The following CDH23 variants were observed in gnomAD, a reference collection of about 807,000 sequenced individuals.
CDH23 encodes the protein cadherin related 23, also known as cadherin-23.
CDH23 carries 189 observed loss-of-function variants against 317.1 expected under a neutral mutation model. The observed-to-expected ratio is 0.60, with a 90% confidence interval of 0.53 to 0.67. The LOEUF is 0.67. Among genes scored for constraint, CDH23 ranks in the 30% least tolerant of loss-of-function variants. CDH23 has a pLI of 0.00. For missense variants in CDH23, 4,401 were observed against 4,592.4 expected (o/e 0.96, Z 1.20); for synonymous variants, 1,839 against 1,876.8 (o/e 0.98, Z 0.52).
intron 18 of CDH23, among the ~76,000 whole-genome samples, chr10:71,685,283 T>C (rs1864827335): frequency 6.6e-6 from 1 of 152,182 alleles, no homozygotes; most frequent in Non-Finnish European, 1.5e-5. Context: ...GGACAACACT[T>C]TGAGGAGCAA....
chr10:71,464,687 G>A (rs565220534), intron 3 of CDH23, among the ~76,000 whole-genome samples: 2 of 152,320 alleles, frequency 1.3e-5, no homozygotes, highest in South Asian at 4.1e-4. Flanking sequence ...GAGTGAGTGG[G>A]TAGAGCAGGA....
intron 29 of CDH23, among the ~76,000 whole-genome samples, chr10:71,724,618 C>G (rs117587776): frequency 2.6e-5 from 4 of 152,152 alleles, no homozygotes; most frequent in Admixed American, 6.5e-5. Context: ...TTTTGATTGC[C>G]GTGTTCCTGA....
chr10:71,793,560 T>A lies in CDH23; in HGVS notation c.6632T>A (p.Ile2211Asn). The change falls in exon 48 of 70, where the codon ATT (isoleucine) becomes AAT (asparagine). Residue 2211 changes from isoleucine to asparagine, a missense_variant. Around this residue, in one of 3 missense-constraint regions of CDH23, gnomAD observed 3,068 missense variants for 3,203.3 expected, o/e 0.96. Transcript: ENST00000224721. Reference protein sequence around the residue: ...HDLNPKLEYHIVGIVAKDDTD... With the variant: ...HDLNPKLEYHNVGIVAKDDTD... ...CTCAACCCAAAGCTAGAGTACCACATTGTCGGCATTGTGGCCAAGGACGAC... is the reference window on the plus strand; with the variant it reads ...CTCAACCCAAAGCTAGAGTACCACAATGTCGGCATTGTGGCCAAGGACGAC... 6.2e-7 allele frequency: 1 copy of A among 1,613,094 alleles called. No homozygotes were observed. The highest frequency in any genetic ancestry group is 8.5e-7 in the Non-Finnish European group (1 of 1,179,358).
intron 14 of CDH23, among the ~76,000 whole-genome samples, chr10:71,666,242 G>T (rs1047782312): frequency 2.0e-5 from 3 of 151,712 alleles, no homozygotes; most frequent in South Asian, 2.1e-4. Flanking sequence ...CCTCCCACAT[G>T]CTCAGAAGGC....
intron 38 of CDH23, among the ~76,000 whole-genome samples, chr10:71,744,993 A>G (rs1406455727): frequency 6.6e-6 from 1 of 152,278 alleles, no homozygotes; most frequent in East Asian, 1.9e-4. Context: ...TGCAGGGGAC[A>G]CCTCAGTGAA....
chr10:71,512,100 A>T lies in CDH23; in HGVS notation c.429+888A>T, dbSNP rs535747248. 12 of 152,356 alleles carry T rather than the reference A, an allele frequency of 7.9e-5. No homozygotes were observed. In the East Asian group the frequency reaches 2.3e-3, roughly 29 times the overall value. The allele number at this position is 152,356 out of a possible 1,614,324, so 9.4% of individuals were successfully genotyped here. On this transcript the variant is annotated intron_variant, in intron 6 of 69. Transcript: ENST00000224721. ...TCAGGGAGTAAAAAGCCCTGAGAGA[A>T]TATCGCAGTCAGTTCATGGATGAGG... is the stretch of plus-strand genomic sequence containing the variant.
chr10:71,545,722 T>C (rs1564644573), intron 6 of CDH23, among the ~76,000 whole-genome samples: 1 of 152,064 alleles, frequency 6.6e-6, no homozygotes, highest in Non-Finnish European at 1.5e-5. Context: ...CTATGTCTGC[T>C]GGTGAGAAGG....
intron 9 of CDH23, among the ~76,000 whole-genome samples, chr10:71,607,283 GC>G (rs760173977): frequency 4.6e-5 from 7 of 152,236 alleles, no homozygotes; most frequent in Non-Finnish European, 1.0e-4. Context: ...GACAGGAAGG[GC>G]CAGGGGCCTC....
intron 38 of CDH23, chr10:71,761,685 C>T (rs1288521878): frequency 5.6e-6 from 9 of 1,613,744 alleles, no homozygotes; most frequent in East Asian, 4.5e-5. Flanking sequence ...CAGTAGAGGC[C>T]GCTATCCAGC....
At chr10:71,495,052 AGTG>A (rs1852885382) in intron 3 of CDH23, among the ~76,000 whole-genome samples, 1 of 152,106 alleles carries the variant, frequency 6.6e-6, no homozygotes, top group South Asian at 2.1e-4. Context: ...CCTGCCCCTG[AGTG>A]GGGGCAGGGC....
rs1487620297 is a variant in CDH23 at position 71,439,878 on chromosome 10, T to A, written c.47T>A (p.Val16Glu). The A allele has an allele frequency of 1.9e-6, 3 of 1,575,286 alleles. No homozygotes were observed. The highest frequency in any genetic ancestry group is 2.6e-6 in the Non-Finnish European group (3 of 1,159,352). ...ATSCHVAWLLVLISGCWGQVN... is the reference protein window; with the variant it reads ...ATSCHVAWLLELISGCWGQVN... ...AGCTGCCACGTGGCCTGGCTTTTGG[T>A]GCTGATCTCTGGATGCTGGGGTAAG... is the stretch of plus-strand genomic sequence containing the variant. Residue 16 changes from valine (V) to glutamate (E), a missense_variant, in exon 2 of 70, where the codon GTG becomes GAG. By Grantham distance (121) the Val-to-Glu change is moderately radical (BLOSUM62 -2). Coordinates refer to ENST00000224721, the MANE Select transcript of CDH23 (RefSeq NM_022124.6).
chr10:71,583,243 G>A (rs770920529), intron 9 of CDH23, among the ~76,000 whole-genome samples: 1 of 151,924 alleles, frequency 6.6e-6, no homozygotes, highest in African/African-American at 2.4e-5. Context: ...CACAGGGGAG[G>A]CGGGGTGGGG....
chr10:71,439,403 C>T (rs1849767014), intron 1 of CDH23, among the ~76,000 whole-genome samples: 1 of 152,186 alleles, frequency 6.6e-6, no homozygotes, highest in Non-Finnish European at 1.5e-5. Flanking sequence ...GGTCAGTGCC[C>T]ATCTCCTCAA....
chr10:71,680,767 AAAG>A, intron 17 of CDH23, among the ~76,000 whole-genome samples: 3 of 148,308 alleles, frequency 2.0e-5, no homozygotes, highest in African/African-American at 7.4e-5. Flanking sequence ...AAAAAAAGAA[AAAG>A]AAATTGCATT....
intron 9 of CDH23, among the ~76,000 whole-genome samples, chr10:71,586,402 A>C (rs1465355521): frequency 6.6e-6 from 1 of 152,090 alleles, no homozygotes; most frequent in African/African-American, 2.4e-5. Context: ...TTCTATTTTA[A>C]CTTGGTCCAC....
intron 3 of CDH23, among the ~76,000 whole-genome samples, chr10:71,449,552 T>C (rs1381854069): frequency 2.0e-5 from 3 of 152,194 alleles, no homozygotes; most frequent in East Asian, 3.8e-4. Context: ...TATATAGATA[T>C]ATAGATATAT....
chr10:71,754,940 C>T (rs1840094947), intron 38 of CDH23: 1 of 390,648 alleles, frequency 2.6e-6, no homozygotes, highest in Non-Finnish European at 5.3e-6. Flanking sequence ...TGTAAGACCC[C>T]TTCCACTTCT....
intron 14 of CDH23, among the ~76,000 whole-genome samples, chr10:71,661,750 A>C (rs1458967741): frequency 2.8e-3 from 19 of 6,850 alleles, no homozygotes; most frequent in African/African-American, 4.0e-3. Context: ...GCGCCCTCCC[A>C]CCCTGCGCGC....
intron 34 of CDH23, among the ~76,000 whole-genome samples, chr10:71,736,873 G>A (rs536651060): frequency 1.2e-3 from 179 of 152,300 alleles, no homozygotes; most frequent in African/African-American, 4.0e-3. Context: ...CCTATAATAA[G>A]GTGTCAGGGA....
Sources: allele counts gnomAD v4.1 joint callset (sites outside exome capture counted in the v4.1 genomes callset), GRCh38; gene constraint gnomAD v4.1.1; regional missense constraint gnomAD v4.1.1; transcripts MANE v1.5; gene names NCBI Gene and HGNC (gene_info 2026-07-23, HGNC 2026-07-21).